LDLRAD4: variants seen among roughly 807,000 people sequenced by gnomAD.
The protein encoded by LDLRAD4 is low density lipoprotein receptor class A domain containing 4, also known as low-density lipoprotein receptor class A domain-containing protein 4.
Under a neutral mutation model 17.0 loss-of-function variants are expected in LDLRAD4, and 5 were observed. That is an observed-to-expected ratio of 0.29 (90% CI 0.15 to 0.62). The LOEUF is 0.62. LDLRAD4 is among the 20% of genes least tolerant of loss of function. The pLI is 0.84. For synonymous variants in LDLRAD4, 168 were observed against 171.8 expected (o/e 0.98, Z 0.17); for missense variants, 340 against 424.7 (o/e 0.80, Z 1.75).
In LDLRAD4 at chr18:13,367,428, G is replaced by A. The variant is rs1376279831; in HGVS notation, c.-382-19913G>A. Among the ~76,000 whole-genome samples the A allele has an allele frequency of 1.3e-5, 2 of 152,164 alleles. No individual in the cohort carries two copies. Among genetic ancestry groups the A allele is most frequent in the African/African-American group, 2.4e-5 (1 of 41,424 alleles). On this transcript the variant is annotated intron_variant, in intron 1 of 5. Transcript: ENST00000359446. The surrounding 1 kb of genome is among the most constrained non-coding windows in gnomAD (Gnocchi z 4.1). ...GGGTCTCAGGCATTGAACTGCGTGG[G>A]GCACTCCATGGGGCAGAAAAGAGCC...
rs80242705 is a variant in LDLRAD4 at position 13,594,736 on chromosome 18, T to C, written c.182-26381T>C. Among the ~76,000 whole-genome samples the C allele has an allele frequency of 4.4e-4, 63 of 144,184 alleles. 1 individual carries two copies. The East Asian group carries it at 0.012, about 27-fold the overall frequency. The allele number at this position is 144,184 out of a possible 152,430, so 94.6% of individuals were successfully genotyped here. ...AAGAAGCATTTGAAAATGATAATCA[T>C]AGTCATACTAGAATGAGTGGGGAAG... On this transcript the variant is annotated intron_variant, in intron 3 of 5. Transcript: ENST00000359446.
intron 1 of LDLRAD4, among the ~76,000 whole-genome samples, chr18:13,336,093 G>T (rs913671501): frequency 8.5e-5 from 13 of 152,186 alleles, no homozygotes; most frequent in Admixed American, 7.9e-4. Context: ...GAGGAAGCAA[G>T]AGAGTGCAGG....
intron 1 of LDLRAD4, among the ~76,000 whole-genome samples, chr18:13,252,543 C>T (rs1321176386): frequency 6.6e-6 from 1 of 152,212 alleles, no homozygotes; most frequent in African/African-American, 2.4e-5. Context: ...GCCTTTGATG[C>T]ACAAATGATG....
At chr18:13,263,643 AT>A (rs1404210174) in intron 1 of LDLRAD4, among the ~76,000 whole-genome samples, 1 of 152,178 alleles carries the variant, frequency 6.6e-6, no homozygotes, top group East Asian at 1.9e-4. Flanking sequence ...CTGTGCCCGA[AT>A]TTCTCCATCG....
chr18:13,245,524 T>C (rs1378605143), intron 1 of LDLRAD4, among the ~76,000 whole-genome samples: 1 of 152,240 alleles, frequency 6.6e-6, no homozygotes, highest in East Asian at 1.9e-4. Context: ...GATTAAGTGC[T>C]GTGCCCAGGT....
At chr18:13,441,388 A>G (rs1354440366) in intron 3 of LDLRAD4, among the ~76,000 whole-genome samples, 1 of 152,212 alleles carries the variant, frequency 6.6e-6, no homozygotes, top group East Asian at 1.9e-4. Flanking sequence ...GAATCAGAGT[A>G]TCCCACGAAC....
intron 3 of LDLRAD4, among the ~76,000 whole-genome samples, chr18:13,455,627 A>C (rs141706655): frequency 6.6e-6 from 1 of 152,146 alleles, no homozygotes; most frequent in South Asian, 2.1e-4. Flanking sequence ...AGATACAGGC[A>C]GAAGGTGGAG....
intron 3 of LDLRAD4, among the ~76,000 whole-genome samples, chr18:13,593,735 A>G (rs1233683964): frequency 6.6e-6 from 1 of 152,126 alleles, no homozygotes; most frequent in Non-Finnish European, 1.5e-5. Context: ...GACTACATAT[A>G]AGCGTCCTTT....
chr18:13,589,078 A>G (rs1449837268), intron 3 of LDLRAD4, among the ~76,000 whole-genome samples: 2 of 151,702 alleles, frequency 1.3e-5, no homozygotes, highest in African/African-American at 2.4e-5. Context: ...GCAGGGTTGC[A>G]CCACCATGCC....
At chr18:13,413,855 C>T (rs1388635757) in intron 2 of LDLRAD4, among the ~76,000 whole-genome samples, 1 of 151,626 alleles carries the variant, frequency 6.6e-6, no homozygotes, top group African/African-American at 2.4e-5. Flanking sequence ...TGCTTGAGCC[C>T]AGGAGTAGGA....
At position 13,621,348 on chromosome 18, in the gene LDLRAD4, G is replaced by A. The variant is rs1305223957; in HGVS notation, c.336+77G>A. 1.9e-5 allele frequency: 22 copies of A among 1,175,986 alleles called. No individual in the cohort carries two copies. The highest frequency in any genetic ancestry group is 6.2e-5 in the South Asian group (5 of 80,370). 72.8% of individuals were successfully genotyped at this position (1,175,986 alleles called of 1,614,324 possible). A position where few individuals can be genotyped will look rare whatever the true frequency, so the allele number is the denominator to read the frequency against. ...AGGAGCCCATCAGGGTTCAGAGGCC[G>A]GGAGTGCTTTCAGTTGACATGTAAC... On this transcript the variant is annotated intron_variant, in intron 4 of 5. Transcript: ENST00000359446. This position sits in a 1 kb window ranked among gnomAD's most constrained non-coding sequence, Gnocchi z 5.5.
chr18:13,624,531 G>A (rs1194111039), intron 4 of LDLRAD4, among the ~76,000 whole-genome samples: 2 of 152,320 alleles, frequency 1.3e-5, no homozygotes, highest in East Asian at 3.9e-4. Context: ...CCTAGGGGAG[G>A]CTAGGGGTCT....
At chr18:13,615,232 T>G (rs1178725294) in intron 3 of LDLRAD4, 1 of 152,280 alleles carries the variant, frequency 6.6e-6, no homozygotes, top group Non-Finnish European at 1.5e-5. Context: ...AGGTGTTTAC[T>G]TGGCCTGGGG....
At chr18:13,614,309 G>A (rs1452015009) in intron 3 of LDLRAD4, 1 of 151,982 alleles carries the variant, frequency 6.6e-6, no homozygotes, top group African/African-American at 2.4e-5. Flanking sequence ...GCTGCAACAG[G>A]GTTCAGAGCT....
At chr18:13,523,349 G>C (rs551438401) in intron 3 of LDLRAD4, among the ~76,000 whole-genome samples, 3 of 152,330 alleles carry the variant, frequency 2.0e-5, no homozygotes, top group African/African-American at 4.8e-5. Flanking sequence ...ACACCCTCCT[G>C]CTGGCCATGA....
At chr18:13,377,444 G>A (rs2085004609) in intron 1 of LDLRAD4, among the ~76,000 whole-genome samples, 1 of 152,284 alleles carries the variant, frequency 6.6e-6, no homozygotes, top group East Asian at 1.9e-4. Context: ...ATGAGTGCCC[G>A]TGCCTTCTCC....
intron 1 of LDLRAD4, among the ~76,000 whole-genome samples, chr18:13,322,784 AT>A (rs34579599): frequency 0.11 from 14,446 of 130,328 alleles, 858 homozygotes; most frequent in African/African-American, 0.19. Flanking sequence ...TACATGGCTA[AT>A]TTTTTTTTTT....
intron 3 of LDLRAD4, among the ~76,000 whole-genome samples, chr18:13,600,047 A>G (rs77554941): frequency 0.027 from 4,037 of 152,258 alleles, 190 homozygotes; most frequent in African/African-American, 0.091. Flanking sequence ...CTCCTGAGCA[A>G]ATGAAGCAAT....
chr18:13,492,441 C>G (rs910945998), intron 3 of LDLRAD4, among the ~76,000 whole-genome samples: 1 of 152,242 alleles, frequency 6.6e-6, no homozygotes, highest in Non-Finnish European at 1.5e-5. Flanking sequence ...CCTCCCTTCC[C>G]CCCCGGGTCT....
Sources: allele counts gnomAD v4.1 joint callset (sites outside exome capture counted in the v4.1 genomes callset), GRCh38; gene constraint gnomAD v4.1.1; non-coding constraint Gnocchi (gnomAD v3.1); transcripts MANE v1.5; gene names NCBI Gene and HGNC (gene_info 2026-07-23, HGNC 2026-07-21).